Variants in STK32B observed in about 807,000 individuals in gnomAD.
STK32B encodes the protein serine/threonine kinase 32B.
Under a neutral mutation model 52.6 loss-of-function variants are expected in STK32B, and 43 were observed. The observed-to-expected ratio is 0.82, with a 90% CI of 0.64 to 1.05. STK32B has a LOEUF of 1.05. Ranked by LOEUF, STK32B falls within the 50% of genes least tolerant of loss-of-function variation. The pLI is 0.00. For missense variants in STK32B, 621 were observed against 534.6 expected, an observed-to-expected ratio of 1.16 and a Z score of -1.59; for synonymous variants, 238 against 204.3, an observed-to-expected ratio of 1.17 and a Z score of -1.41.
chr4:5,390,803 G>T (rs1736549724), intron 4 of STK32B, among the ~76,000 whole-genome samples: 1 of 151,962 alleles, frequency 6.6e-6, no homozygotes, highest in Non-Finnish European at 1.5e-5. Flanking sequence ...GGTACAATTG[G>T]TTCTCCTGGA....
At chr4:5,346,531 A>G (rs2108978624) in intron 4 of STK32B, among the ~76,000 whole-genome samples, 1 of 152,260 alleles carries the variant, frequency 6.6e-6, no homozygotes, top group African/African-American at 2.4e-5. Context: ...CAGATTGCAT[A>G]ATTGATGCAG....
At chr4:5,212,598 T>C (rs1376614008) in intron 3 of STK32B, among the ~76,000 whole-genome samples, 1 of 152,254 alleles carries the variant, frequency 6.6e-6, no homozygotes, top group Non-Finnish European at 1.5e-5. Context: ...CCACATCCTG[T>C]GATTTCATCC....
intron 5 of STK32B, among the ~76,000 whole-genome samples, chr4:5,402,009 C>CTGG (rs1560383659): frequency 4.7e-4 from 72 of 152,352 alleles, no homozygotes; most frequent in African/African-American, 1.6e-3. Flanking sequence ...GGCTGGCTGG[C>CTGG]CGGGTGACTC....
intron 1 of STK32B, among the ~76,000 whole-genome samples, chr4:5,062,502 G>A (rs796956512): frequency 6.6e-6 from 1 of 152,034 alleles, no homozygotes; most frequent in African/African-American, 2.4e-5. Flanking sequence ...GTTTAGTTTT[G>A]TTGTTGTTGT....
chr4:5,376,213 T>C (rs1735575606), intron 4 of STK32B, among the ~76,000 whole-genome samples: 1 of 152,230 alleles, frequency 6.6e-6, no homozygotes, highest in Non-Finnish European at 1.5e-5. Flanking sequence ...CATCTGCTTT[T>C]GCTTTTTAAA....
intron 11 of STK32B, among the ~76,000 whole-genome samples, chr4:5,481,045 G>A (rs571887776): frequency 5.9e-5 from 9 of 152,238 alleles, no homozygotes; most frequent in South Asian, 2.1e-4. Context: ...ATAAACATAC[G>A]TGTGCATGTG....
At chr4:5,295,409 T>C (rs1343253761) in intron 3 of STK32B, among the ~76,000 whole-genome samples, 2 of 152,156 alleles carry the variant, frequency 1.3e-5, no homozygotes, top group African/African-American at 2.4e-5. Flanking sequence ...GTCCTGGACA[T>C]TTTTTGGTTG....
chr4:5,079,246 GT>G, intron 1 of STK32B, among the ~76,000 whole-genome samples: 1 of 151,010 alleles, frequency 6.6e-6, no homozygotes, highest in African/African-American at 2.4e-5. Context: ...CCTTTCCAGT[GT>G]TTTATTTTTA....
At chr4:5,233,458 A>G (rs145551389) in intron 3 of STK32B, among the ~76,000 whole-genome samples, 186 of 152,254 alleles carry the variant, frequency 1.2e-3, no homozygotes, top group African/African-American at 4.3e-3. Flanking sequence ...ACTGGAATAT[A>G]GCAGAGTGCT....
At chr4:5,205,803 G>A (rs915341402) in intron 3 of STK32B, among the ~76,000 whole-genome samples, 2 of 152,082 alleles carry the variant, frequency 1.3e-5, no homozygotes, top group African/African-American at 4.8e-5. Context: ...TGGGCCTTGG[G>A]GAGATATCTG....
At chr4:5,033,356 G>C in the STK32B span, among the ~76,000 whole-genome samples, 1 of 152,196 alleles carries the variant, frequency 6.6e-6, no homozygotes, top group African/African-American at 2.4e-5. Flanking sequence ...GTGGACTCCA[G>C]CTTCTGGGAA....
At chr4:5,427,741 T>C (rs1192074552) in intron 6 of STK32B, among the ~76,000 whole-genome samples, 1 of 152,174 alleles carries the variant, frequency 6.6e-6, no homozygotes, top group African/African-American at 2.4e-5. Context: ...AATTCTGTAG[T>C]GATGTCCCCT....
At position 5,467,379 on chromosome 4, in the gene STK32B, C is replaced by T. The variant is rs1292808705; in HGVS notation, c.1041+545C>T. 2.6e-5 allele frequency among the ~76,000 whole-genome samples: 4 copies of T among 152,264 alleles called. No individual in the cohort carries two copies. The highest frequency in any genetic ancestry group is 1.9e-4 in the East Asian group (1 of 5,148). ...AGTGGCGGCCGGCCCCCTTGTCCTT[C>T]GCTGGCTCGCAGCTGCATGGTTCCA... On this transcript the variant is annotated intron_variant, in intron 10 of 11. Coordinates refer to ENST00000282908, the MANE Select transcript of STK32B (RefSeq NM_018401.3). This position sits in a 1 kb window ranked among gnomAD's most constrained non-coding sequence, Gnocchi z 5.8.
intron 1 of STK32B, among the ~76,000 whole-genome samples, chr4:5,135,842 A>C (rs1716044263): frequency 1.3e-5 from 2 of 152,174 alleles, no homozygotes; most frequent in African/African-American, 4.8e-5. Context: ...CATCTCATTG[A>C]TTAGATCTCA....
Position 5,296,471 on chromosome 4 carries a change from G to A in STK32B, c.261-34749G>A, listed in dbSNP as rs971843177. The stretch of plus-strand genomic sequence containing the variant: ...CTGTATTGGGTGCATATATATTTAG[G>A]ATAGTTAGCTCTTCTTGTTGCATTG... On this transcript the variant is annotated intron_variant, in intron 3 of 11. Transcript: ENST00000282908. Among the ~76,000 whole-genome samples, 3 of 152,134 alleles carry A rather than the reference G, an allele frequency of 2.0e-5. No individual in the cohort carries two copies. The South Asian group carries it at 6.2e-4, about 32-fold the overall frequency.
intron 3 of STK32B, among the ~76,000 whole-genome samples, chr4:5,267,460 G>A (rs1451702382): frequency 2.0e-5 from 3 of 152,118 alleles, no homozygotes; most frequent in East Asian, 1.9e-4. Flanking sequence ...TAGGTAGGGA[G>A]AGACTCCTGT....
chr4:5,399,327 G>A lies in STK32B; in HGVS notation c.472+1083G>A, dbSNP rs1253210009. On this transcript the variant is annotated intron_variant, in intron 5 of 11. Coordinates refer to ENST00000282908, the MANE Select transcript of STK32B (RefSeq NM_018401.3). This position sits in a 1 kb window ranked among gnomAD's most constrained non-coding sequence, Gnocchi z 5.4. ...CCCTCCTTCCCCACCTCTGCAGGCT[G>A]AGGTCATGGTTCTATCTCAGAGCTC... Among the ~76,000 whole-genome samples the A allele has an allele frequency of 3.9e-5, 6 of 152,146 alleles. No homozygotes were observed. Among genetic ancestry groups the A allele is most frequent in the African/African-American group, 1.4e-4 (6 of 41,420 alleles).
intron 4 of STK32B, among the ~76,000 whole-genome samples, chr4:5,371,450 G>A (rs1366350260): frequency 6.6e-6 from 1 of 152,212 alleles, no homozygotes. Flanking sequence ...TCTCGAGGAT[G>A]AGGCCTAGGA....
intron 3 of STK32B, among the ~76,000 whole-genome samples, chr4:5,209,916 A>G (rs2108784779): frequency 6.6e-6 from 1 of 152,250 alleles, no homozygotes; most frequent in Non-Finnish European, 1.5e-5. Context: ...TTTCCTCTAT[A>G]CCACTGCATC....
Sources: gnomAD v4.1 joint callset for allele counts (sites outside exome capture counted in the v4.1 genomes callset) on GRCh38, gnomAD v4.1.1 for gene constraint, Gnocchi (gnomAD v3.1) non-coding constraint, MANE v1.5 for transcripts, NCBI Gene and HGNC (gene_info 2026-07-23, HGNC 2026-07-21) for gene names.